ENPP3: variants seen among roughly 807,000 people sequenced by gnomAD.
The protein encoded by ENPP3 is ectonucleotide pyrophosphatase/phosphodiesterase 3, also known as ectonucleotide pyrophosphatase/phosphodiesterase family member 3.
In ENPP3, 104 loss-of-function variants were observed where a neutral mutation model predicts 117.8. That is an observed-to-expected ratio of 0.88 (90% CI 0.75 to 1.04). The LOEUF (loss-of-function observed/expected upper bound fraction) is 1.04, where lower values mean the gene tolerates loss of function less well. ENPP3 is among the 50% of genes least tolerant of loss of function. The pLI is 0.00. For synonymous variants in ENPP3, 380 were observed against 349.9 expected, an observed-to-expected ratio of 1.09 and a Z score of -0.96; for missense variants, 1,026 against 1,051.9, an observed-to-expected ratio of 0.98 and a Z score of 0.34.
chr6:131,737,074 G>A (rs1353453031), intron 21 of ENPP3, among the ~76,000 whole-genome samples: 1 of 152,106 alleles, frequency 6.6e-6, no homozygotes, highest in East Asian at 1.9e-4. Flanking sequence ...ATCTCATCTA[G>A]AGACTCCTAG....
At chr6:131,730,531 G>T (rs964838879) in intron 20 of ENPP3, among the ~76,000 whole-genome samples, 1 of 152,130 alleles carries the variant, frequency 6.6e-6, no homozygotes, top group Non-Finnish European at 1.5e-5. Flanking sequence ...ATTCTTGAGA[G>T]TTTTTGTGTC....
At position 131,740,258 on chromosome 6, in the gene ENPP3, C is replaced by T; in HGVS notation, c.2335C>T (p.His779Tyr). Residue 779 changes from histidine to tyrosine, a missense_variant, in exon 24 of 25, where the codon CAC (histidine) becomes TAC (tyrosine). His to Tyr is a moderately conservative substitution (Grantham distance 83). Coordinates refer to ENST00000357639, the MANE Select transcript of ENPP3 (RefSeq NM_005021.5). ...CAACACTGATGTTCCCATCCCAACA[C>T]ACTACTTTGTGGTGCTGACCAGTTG... is the stretch of plus-strand genomic sequence containing the variant. Reference protein sequence around the residue: ...LANTDVPIPTHYFVVLTSCKN... With the variant: ...LANTDVPIPTYYFVVLTSCKN... 1 of 1,610,808 alleles carries T rather than the reference C, an allele frequency of 6.2e-7. No individual in the cohort carries two copies. The highest frequency in any genetic ancestry group is 8.5e-7 in the Non-Finnish European group (1 of 1,178,434).
At chr6:131,683,715 A>G (rs1779082107) in intron 12 of ENPP3, among the ~76,000 whole-genome samples, 1 of 151,218 alleles carries the variant, frequency 6.6e-6, no homozygotes, top group African/African-American at 2.4e-5. Context: ...ATGCATTCAA[A>G]CAGTTTTGAA....
At chr6:131,675,568 C>G (rs1219867700) in intron 9 of ENPP3, among the ~76,000 whole-genome samples, 1 of 152,142 alleles carries the variant, frequency 6.6e-6, no homozygotes, top group Non-Finnish European at 1.5e-5. Flanking sequence ...TGGCTCATGC[C>G]TGTAATCCCA....
At chr6:131,737,888 C>T in intron 22 of ENPP3, 143 bp from the exon 23 acceptor site, 1 of 570,582 alleles carries the variant, frequency 1.8e-6, no homozygotes, top group Non-Finnish European at 2.9e-6. Flanking sequence ...GCTTGTGAAG[C>T]CTATTCTGGA....
At chr6:131,687,140 A>T (rs577367410) in intron 14 of ENPP3, among the ~76,000 whole-genome samples, 1 of 152,182 alleles carries the variant, frequency 6.6e-6, no homozygotes, top group Non-Finnish European at 1.5e-5. Context: ...TCAACAGTAT[A>T]TAAGTGTTCC....
At chr6:131,723,268 C>A (rs1461696094) in intron 18 of ENPP3, among the ~76,000 whole-genome samples, 1 of 152,078 alleles carries the variant, frequency 6.6e-6, no homozygotes, top group African/African-American at 2.4e-5. Context: ...TAGCATTATA[C>A]CACAGAAATA....
chr6:131,703,270 G>GA (rs1179072172), intron 15 of ENPP3, among the ~76,000 whole-genome samples: 2 of 132,544 alleles, frequency 1.5e-5, no homozygotes, highest in African/African-American at 3.4e-5. Context: ...GTAATTATAT[G>GA]AAAAAAAAAT....
At chr6:131,653,065 G>T (rs1203909314) in intron 5 of ENPP3, among the ~76,000 whole-genome samples, 174 bp downstream of exon 5, 2 of 152,086 alleles carry the variant, frequency 1.3e-5, no homozygotes, top group Non-Finnish European at 2.9e-5. Flanking sequence ...ACTTTTGTTT[G>T]CTTTATTTTT....
At chr6:131,683,237 G>C in intron 12 of ENPP3, 75 bp downstream of exon 12, 1 of 827,830 alleles carries the variant, frequency 1.2e-6, no homozygotes. Context: ...ACAAATAATA[G>C]TGATATTTTA....
chr6:131,643,920 C>T lies in ENPP3; in HGVS notation c.154+2390C>T, dbSNP rs1224500866. Among the ~76,000 whole-genome samples the T allele has an allele frequency of 6.9e-5, 10 of 145,170 alleles. No individual in the cohort carries two copies. In the East Asian group the frequency reaches 1.2e-3, roughly 17 times the overall value. ...AAAGCCCAAAAGAAGGAATCAGGGT[C>T]GTCTGTGTGTGTGTGTGTGTGTCTG... On this transcript the variant is annotated intron_variant, in intron 2 of 24. Coordinates refer to ENST00000357639, the MANE Select transcript of ENPP3 (RefSeq NM_005021.5).
At chr6:131,643,721 G>A (rs994790031) in intron 2 of ENPP3, among the ~76,000 whole-genome samples, 8 of 152,036 alleles carry the variant, frequency 5.3e-5, no homozygotes, top group East Asian at 1.9e-4. Context: ...ATGACTACAC[G>A]TATTTTTTGA....
In ENPP3 at chr6:131,700,668, C is replaced by A. The variant is rs1209645505; in HGVS notation, c.1412+7044C>A. 1.9e-6 allele frequency: 3 copies of A among 1,559,292 alleles called. 1 individual carries two copies. The Admixed American group carries it at 5.6e-5, about 29-fold the overall frequency. On this transcript the variant is annotated intron_variant, in intron 15 of 24. Coordinates refer to ENST00000357639, the MANE Select transcript of ENPP3 (RefSeq NM_005021.5). ...TGTGCCATAAACGAGTCCAATCACA[C>A]AGAGGTGGGAGAAGCAGGTGCGGAA...
rs149266317 is a variant in ENPP3 at position 131,685,415 on chromosome 6, C to T, written c.1172C>T (p.Pro391Leu). The change falls in exon 13 of 25, where the codon CCC becomes CTC. Residue 391 changes from proline (P) to leucine (L), a missense_variant. Pro to Leu is a moderately conservative substitution (Grantham distance 98). Transcript: ENST00000357639. ...ATGGAATACATGACTGATTATTTTC[C>T]CAGAATAAACTTCTTCTACATGTAC... is the stretch of plus-strand genomic sequence containing the variant. ...NKMEYMTDYFPRINFFYMYEG... is the reference protein window; with the variant it reads ...NKMEYMTDYFLRINFFYMYEG... 2 of 1,612,580 alleles carry T rather than the reference C, an allele frequency of 1.2e-6. No individual in the cohort carries two copies. The highest frequency in any genetic ancestry group is 1.7e-5 in the Admixed American group (1 of 59,964).
intron 19 of ENPP3, among the ~76,000 whole-genome samples, chr6:131,725,635 C>T (rs959025422): frequency 3.3e-5 from 5 of 152,144 alleles, no homozygotes; most frequent in Non-Finnish European, 4.4e-5. Flanking sequence ...CCAACATCTT[C>T]CCTATGACAA....
chr6:131,641,319 G>C, intron 1 of ENPP3, 136 bp from the exon 2 acceptor site: 3 of 497,530 alleles, frequency 6.0e-6, no homozygotes, highest in Non-Finnish European at 1.1e-5. Flanking sequence ...CCAGATACTA[G>C]ATCATTGTTG....
chr6:131,688,729 A>C (rs1048965455), intron 14 of ENPP3, among the ~76,000 whole-genome samples: 3 of 152,220 alleles, frequency 2.0e-5, no homozygotes, highest in East Asian at 1.9e-4. Context: ...GTTTAAAGCT[A>C]GCAGGGGTTT....
intron 23 of ENPP3, among the ~76,000 whole-genome samples, chr6:131,738,557 T>C (rs1256953533): frequency 6.6e-6 from 1 of 150,772 alleles, no homozygotes; most frequent in African/African-American, 2.4e-5. Flanking sequence ...TAGTGAAAAG[T>C]CAAGTAAAGA....
At chr6:131,660,057 T>TGAA (rs1778465774) in intron 6 of ENPP3, among the ~76,000 whole-genome samples, 1 of 152,194 alleles carries the variant, frequency 6.6e-6, no homozygotes. Context: ...CCCAAATGTG[T>TGAA]GAAGCTATGA....
Sources: allele counts gnomAD v4.1 joint callset (sites outside exome capture counted in the v4.1 genomes callset), GRCh38; gene constraint gnomAD v4.1.1; transcripts MANE v1.5; gene names NCBI Gene and HGNC (gene_info 2026-07-23, HGNC 2026-07-21).